The following EBI3 variants were observed in gnomAD, a reference collection of about 807,000 sequenced individuals.
EBI3 encodes the protein interleukin-27 subunit beta.
A neutral mutation model predicts 21.3 loss-of-function variants in EBI3; 19 were observed. That is an observed-to-expected ratio of 0.89 (90% CI 0.62 to 1.31). The LOEUF (loss-of-function observed/expected upper bound fraction) is 1.31. Among genes scored for constraint, EBI3 ranks in the 50% most tolerant of loss-of-function variants. The pLI is 0.00. For synonymous variants in EBI3, 154 were observed against 131.2 expected (o/e 1.17, Z -1.19); for missense variants, 331 against 314.0 (o/e 1.05, Z -0.41).
At chr19:4,230,917 ATCTC>A (rs976100000) in intron 1 of EBI3, among the ~76,000 whole-genome samples, 1 of 151,844 alleles carries the variant, frequency 6.6e-6, no homozygotes, top group Non-Finnish European at 1.5e-5. Flanking sequence ...ACACGGTAAA[ATCTC>A]TCTCTCTTAC....
At chr19:4,230,537 A>G (rs1568354834) in intron 1 of EBI3, among the ~76,000 whole-genome samples, 1 of 152,054 alleles carries the variant, frequency 6.6e-6, no homozygotes, top group African/African-American at 2.4e-5. Context: ...GTGCCACTGC[A>G]TTCCAGCCTA....
chr19:4,230,309 A>T (rs1599486184), intron 1 of EBI3, among the ~76,000 whole-genome samples: 1 of 152,308 alleles, frequency 6.6e-6, no homozygotes, highest in South Asian at 2.1e-4. Context: ...TCATGCCTGT[A>T]ATTCCAGCAC....
chr19:4,233,755 C>T (rs1970812596), intron 3 of EBI3, among the ~76,000 whole-genome samples: 1 of 152,204 alleles, frequency 6.6e-6, no homozygotes, highest in Non-Finnish European at 1.5e-5. Flanking sequence ...TTCAACATGC[C>T]AGGAATAGTT....
rs1029455820 is a variant in EBI3 at position 4,231,334 on chromosome 19, C to G, written c.200+11C>G. 1 of 1,598,412 alleles carries G rather than the reference C, an allele frequency of 6.3e-7. No individual in the cohort carries two copies. Among genetic ancestry groups the G allele is most frequent in the Non-Finnish European group, 8.5e-7 (1 of 1,174,516 alleles). On this transcript the variant is annotated intron_variant, in intron 2 of 4. Transcript: ENST00000221847. ...CATTGCCACGTACAGGTCGGAGAGC[C>G]TGGAAGGGGGCCTCAGGGACACTGG... is the stretch of plus-strand genomic sequence containing the variant.
chr19:4,236,356 A>AAAC (rs1365406926), intron 4 of EBI3, among the ~76,000 whole-genome samples: 2 of 149,746 alleles, frequency 1.3e-5, no homozygotes, highest in Non-Finnish European at 1.5e-5. Flanking sequence ...TCCGTCTCAA[A>AAAC]AACAAACAAA....
chr19:4,233,328 G>A, intron 3 of EBI3, 21 bp downstream of exon 3: 3 of 1,548,722 alleles, frequency 1.9e-6, no homozygotes, highest in South Asian at 1.2e-5. Context: ...GCGGCAGTGG[G>A]GGCGGGGGCG....
chr19:4,235,380 C>T (rs1288510726), intron 4 of EBI3, among the ~76,000 whole-genome samples: 1 of 145,720 alleles, frequency 6.9e-6, no homozygotes, highest in African/African-American at 2.8e-5. Flanking sequence ...AGTGCAGTGG[C>T]GCGATCTTGG....
intron 3 of EBI3, 130 bp from the exon 4 acceptor site, chr19:4,234,537 T>C: frequency 7.0e-7 from 1 of 1,426,900 alleles, no homozygotes. Flanking sequence ...TACTCCAGCC[T>C]GGGTGACAGA....
chr19:4,232,960 C>G (rs1970802949), intron 2 of EBI3, 169 bp from the exon 3 acceptor site: 1 of 694,090 alleles, frequency 1.4e-6, no homozygotes, highest in Admixed American at 3.6e-5. Context: ...GGCCCATGCC[C>G]TGCCCCCGGG....
chr19:4,236,756 G>A (rs1314382411), intron 4 of EBI3, among the ~76,000 whole-genome samples, 180 bp from the exon 5 acceptor site: 1 of 152,080 alleles, frequency 6.6e-6, no homozygotes, highest in Non-Finnish European at 1.5e-5. Context: ...CACAGACAGA[G>A]GCCGGGATTG....
In EBI3 at chr19:4,231,295, AGCCCC is replaced by A. The variant is rs750102824; in HGVS notation, c.174_178del (p.Pro59ValfsTer82). The A allele has an allele frequency of 6.2e-7, 1 of 1,612,518 alleles. No homozygotes were observed. Among genetic ancestry groups the A allele is most frequent in the East Asian group, 2.2e-5 (1 of 44,686 alleles). ...CCTGCCGCCTGCTCCAAACTCCACCAGCCCCGTGTCCTTCATTGCCACGTACAGGT... is the reference window on the plus strand; with the variant it reads ...CCTGCCGCCTGCTCCAAACTCCACCAGTGTCCTTCATTGCCACGTACAGGT... On this transcript the variant is annotated frameshift_variant, in exon 2 of 5. Coordinates refer to ENST00000221847, the MANE Select transcript of EBI3 (RefSeq NM_005755.3). LOFTEE classifies it high-confidence loss of function.
At chr19:4,229,671 G>A in intron 1 of EBI3, 54 bp downstream of exon 1, 2 of 1,540,658 alleles carry the variant, frequency 1.3e-6, no homozygotes, top group Non-Finnish European at 1.8e-6. Flanking sequence ...CATGACACGA[G>A]GACTGGCCTC....
At chr19:4,236,411 A>C (rs1970837214) in intron 4 of EBI3, among the ~76,000 whole-genome samples, 1 of 144,674 alleles carries the variant, frequency 6.9e-6, no homozygotes, top group African/African-American at 2.6e-5. Flanking sequence ...AATCCCAGCT[A>C]TCTGGGAGGC....
Position 4,233,162 on chromosome 19 carries a change from C to T in EBI3, c.234C>T (p.Pro78=), listed in dbSNP as rs1383605985. Residue 78 remains proline (P), a synonymous_variant, in exon 3 of 5, where the codon CCC becomes CCT. Coordinates refer to ENST00000221847, the MANE Select transcript of EBI3 (RefSeq NM_005755.3). ...TGGCTGCCCGGGGCCACAGCTGGCCCTGCCTGCAGCAGACGCCAACGTCCA... is the reference window on the plus strand; with the variant it reads ...TGGCTGCCCGGGGCCACAGCTGGCCTTGCCTGCAGCAGACGCCAACGTCCA... ...LGMAARGHSW[P]CLQQTPTSTS... 1.9e-6 allele frequency: 3 copies of T among 1,605,314 alleles called. No homozygotes were observed. In the East Asian group the frequency reaches 6.7e-5, roughly 36 times the overall value.
intron 2 of EBI3, among the ~76,000 whole-genome samples, chr19:4,232,283 A>C (rs1380470261): frequency 2.0e-5 from 3 of 150,028 alleles, no homozygotes; most frequent in African/African-American, 4.9e-5. Context: ...AAAAATTTCG[A>C]AAAAGAAAAA....
At chr19:4,236,800 G>A (rs1048474480) in intron 4 of EBI3, 136 bp from the exon 5 acceptor site, 43 of 1,055,468 alleles carry the variant, frequency 4.1e-5, no homozygotes, top group Non-Finnish European at 5.1e-5. Context: ...GGGTGGGGCC[G>A]CACAGCTGGG....
intron 2 of EBI3, among the ~76,000 whole-genome samples, chr19:4,232,527 G>A (rs972549106): frequency 2.7e-5 from 4 of 149,522 alleles, no homozygotes; most frequent in Non-Finnish European, 4.4e-5. Flanking sequence ...AGACCAGCCT[G>A]GGCAACATAC....
chr19:4,233,170 A>T lies in EBI3; in HGVS notation c.242A>T (p.Gln81Leu). 1 of 1,607,582 alleles carries T rather than the reference A, an allele frequency of 6.2e-7. No homozygotes were observed. Among genetic ancestry groups the T allele is most frequent in the South Asian group, 1.1e-5 (1 of 90,868 alleles). ...CGGGGCCACAGCTGGCCCTGCCTGC[A>T]GCAGACGCCAACGTCCACCAGCTGC... ...AARGHSWPCL[Q>L]QTPTSTSCTI... is the part of the protein sequence containing the mutation. The change falls in exon 3 of 5, where the codon CAG (glutamine) becomes CTG (leucine). Residue 81 changes from glutamine to leucine, a missense_variant. Physicochemically the swap from Gln to Leu is moderately radical, Grantham distance 113. Transcript: ENST00000221847.
In EBI3 at chr19:4,229,626, G is replaced by A. The variant is rs765027001; in HGVS notation, c.67+9G>A. 1.2e-6 allele frequency: 2 copies of A among 1,601,860 alleles called. No individual in the cohort carries two copies. Among genetic ancestry groups the A allele is most frequent in the Middle Eastern group, 1.7e-4 (1 of 6,052 alleles). ...CTGCAGTGGAAGGAAAGGTATGTGGGGCCCCTGGGGGACTGGGGGGCCCAG... is the reference window on the plus strand; with the variant it reads ...CTGCAGTGGAAGGAAAGGTATGTGGAGCCCCTGGGGGACTGGGGGGCCCAG... On this transcript the variant is annotated intron_variant, in intron 1 of 4. Transcript: ENST00000221847.
Sources: gnomAD v4.1 joint callset for allele counts (sites outside exome capture counted in the v4.1 genomes callset) on GRCh38, gnomAD v4.1.1 for gene constraint, MANE v1.5 for transcripts, NCBI Gene and HGNC (gene_info 2026-07-23, HGNC 2026-07-21) for gene names.